Variants in RERE observed in about 807,000 individuals in gnomAD.
RERE encodes arginine-glutamic acid dipeptide repeats.
In RERE, 40 loss-of-function variants were observed where a neutral mutation model predicts 146.1. That is an observed-to-expected ratio of 0.27 (90% CI 0.21 to 0.36). The LOEUF is 0.36. Ranked by LOEUF, RERE falls within the 10% of genes least tolerant of loss-of-function variation. The pLI, the probability that RERE is intolerant of heterozygous loss-of-function variation, is 1.00. For missense variants in RERE, 1,933 were observed against 2,138.7 expected (o/e 0.90, Z 1.90); for synonymous variants, 1,003 against 866.0 (o/e 1.16, Z -2.78).
At chr1:8,692,232 C>T (rs1370265628) in intron 1 of RERE, among the ~76,000 whole-genome samples, 1 of 152,196 alleles carries the variant, frequency 6.6e-6, no homozygotes, top group Admixed American at 6.5e-5. Context: ...ACGGTCATCC[C>T]TCGGTATCCA....
chr1:8,692,781 A>G (rs543396024), intron 1 of RERE, among the ~76,000 whole-genome samples: 40 of 152,344 alleles, frequency 2.6e-4, no homozygotes, highest in South Asian at 1.0e-3. Context: ...ACAGAAGCCA[A>G]GAATACAAAG....
intron 8 of RERE, 65 bp downstream of exon 8, chr1:8,508,562 A>C: frequency 8.3e-7 from 1 of 1,208,842 alleles, no homozygotes. Flanking sequence ...GCGCAACAGA[A>C]TAAAGTGCCA....
chr1:8,773,250 G>T (rs985882392), intron 1 of RERE, among the ~76,000 whole-genome samples: 1 of 152,138 alleles, frequency 6.6e-6, no homozygotes, highest in Admixed American at 6.5e-5. Flanking sequence ...TTAACTTAAA[G>T]ATCTAAAAGT....
At position 8,354,507 on chromosome 1, in the gene RERE, T is replaced by C. The variant is rs926292712; in HGVS notation, c.*580A>G. 6.6e-6 allele frequency: 1 copy of C among 152,236 alleles called. No homozygotes were observed. The highest frequency in any genetic ancestry group is 2.1e-4 in the South Asian group (1 of 4,822). The allele number at this position is 152,236 out of a possible 1,614,324, so 9.4% of individuals were successfully genotyped here. A position where few individuals can be genotyped will look rare whatever the true frequency, so the allele number is the denominator to read the frequency against. On this transcript the variant is annotated 3_prime_UTR_variant, in exon 23 of 23. Coordinates refer to ENST00000400908, the MANE Select transcript of RERE (RefSeq NM_001042681.2). ...CATGGCTGGAAAAAATAGATCACAA[T>C]AGTAGTTTATGGAAGAAAAAAAGGC...
At chr1:8,374,221 T>A (rs927225784) in intron 12 of RERE, among the ~76,000 whole-genome samples, 1 of 152,156 alleles carries the variant, frequency 6.6e-6, no homozygotes, top group Admixed American at 6.5e-5. Context: ...CAGATCCTCT[T>A]CTGGGGAAAG....
intron 4 of RERE, among the ~76,000 whole-genome samples, chr1:8,576,561 G>C (rs757312651): frequency 6.6e-6 from 1 of 152,140 alleles, no homozygotes; most frequent in Admixed American, 6.5e-5. Context: ...AAAAAATTAA[G>C]TTGTATCTAT....
At chr1:8,545,376 T>C (rs1243429773) in intron 6 of RERE, among the ~76,000 whole-genome samples, 2 of 152,168 alleles carry the variant, frequency 1.3e-5, no homozygotes, top group Non-Finnish European at 2.9e-5. Context: ...AAGGGTCTTC[T>C]GGCTACCAAG....
At chr1:8,376,637 G>C (rs1642267628) in intron 12 of RERE, among the ~76,000 whole-genome samples, 2 of 152,214 alleles carry the variant, frequency 1.3e-5, no homozygotes, top group Admixed American at 1.3e-4. Context: ...TTTGGCTCTA[G>C]GCAACATATG....
chr1:8,683,476 G>C (rs1006712129), intron 1 of RERE, among the ~76,000 whole-genome samples: 3 of 152,074 alleles, frequency 2.0e-5, no homozygotes, highest in Non-Finnish European at 4.4e-5. Flanking sequence ...CCTCTTCAGA[G>C]ACACACAGAA....
intron 1 of RERE, chr1:8,703,268 G>T (rs980912914): frequency 6.7e-6 from 1 of 149,752 alleles, no homozygotes; most frequent in African/African-American, 2.4e-5. Context: ...GCGGCTCCGG[G>T]AGGCGGTGGC....
intron 4 of RERE, among the ~76,000 whole-genome samples, chr1:8,602,264 G>A (rs181985223): frequency 1.4e-3 from 211 of 151,864 alleles, no homozygotes; most frequent in African/African-American, 4.7e-3. Flanking sequence ...GGTGGCGGGC[G>A]CCTGTAGTCC....
At chr1:8,433,622 G>A (rs1355466986) in intron 11 of RERE, among the ~76,000 whole-genome samples, 7 of 149,924 alleles carry the variant, frequency 4.7e-5, no homozygotes, top group East Asian at 3.9e-4. Flanking sequence ...CTGCAGTGGC[G>A]CAATCTCGGC....
chr1:8,714,599 C>T (rs1186744807), intron 1 of RERE, among the ~76,000 whole-genome samples: 2 of 152,116 alleles, frequency 1.3e-5, no homozygotes, highest in Non-Finnish European at 2.9e-5. Context: ...AACCAAGAAG[C>T]CATGAAAAAT....
At chr1:8,420,915 T>A (rs369481904) in intron 12 of RERE, among the ~76,000 whole-genome samples, 1 of 152,018 alleles carries the variant, frequency 6.6e-6, no homozygotes, top group African/African-American at 2.4e-5. Context: ...GAGTCACACA[T>A]CATCAATAAG....
At chr1:8,748,440 G>T (rs1018856059) in intron 1 of RERE, among the ~76,000 whole-genome samples, 3 of 152,102 alleles carry the variant, frequency 2.0e-5, no homozygotes, top group Admixed American at 1.3e-4. Context: ...CACAGGTTAC[G>T]TTGCTGTATC....
At chr1:8,790,822 G>A (rs911352426) in intron 1 of RERE, among the ~76,000 whole-genome samples, 4 of 152,350 alleles carry the variant, frequency 2.6e-5, no homozygotes, top group African/African-American at 4.8e-5. Flanking sequence ...CTGACCTCAA[G>A]TGATCCACCC....
intron 4 of RERE, among the ~76,000 whole-genome samples, chr1:8,601,551 G>A (rs1244990254): frequency 6.7e-6 from 1 of 150,334 alleles, no homozygotes; most frequent in African/African-American, 2.5e-5. Flanking sequence ...GCCTTAAGAT[G>A]TTATTCCCAA....
At chr1:8,405,027 G>T (rs1480454800) in intron 12 of RERE, among the ~76,000 whole-genome samples, 1 of 152,172 alleles carries the variant, frequency 6.6e-6, no homozygotes, top group Non-Finnish European at 1.5e-5. Context: ...TTTGGGGCGT[G>T]GGGGAGGGTG....
intron 1 of RERE, among the ~76,000 whole-genome samples, chr1:8,806,279 C>T (rs1341951506): frequency 2.6e-5 from 4 of 152,032 alleles, no homozygotes; most frequent in African/African-American, 9.7e-5. Context: ...CCTATAATCC[C>T]CCAGCACTTT....
Sources: gnomAD v4.1 joint callset for allele counts (sites outside exome capture counted in the v4.1 genomes callset) on GRCh38, gnomAD v4.1.1 for gene constraint, MANE v1.5 for transcripts, NCBI Gene and HGNC (gene_info 2026-07-23, HGNC 2026-07-21) for gene names.